The following STPG2 variants were observed in gnomAD, a reference collection of about 807,000 sequenced individuals.
STPG2 encodes sperm-tail PG-rich repeat-containing protein 2.
Under a neutral mutation model 54.2 loss-of-function variants are expected in STPG2, and 56 were observed. The observed-to-expected ratio is 1.03, with a 90% CI of 0.83 to 1.29. The LOEUF is 1.29. Ranked by LOEUF, STPG2 falls within the 50% of genes most tolerant of loss-of-function variation. The probability of loss-of-function intolerance (pLI) is 0.00; values close to 1 mark genes in which losing one functional copy is unlikely to be tolerated. For missense variants in STPG2, 596 were observed against 544.9 expected, an observed-to-expected ratio of 1.09 and a Z score of -0.93; for synonymous variants, 200 against 181.8, an observed-to-expected ratio of 1.10 and a Z score of -0.81.
intron 10 of STPG2, among the ~76,000 whole-genome samples, chr4:97,588,810 G>A (rs1733063811): frequency 1.3e-5 from 2 of 152,076 alleles, no homozygotes; most frequent in East Asian, 3.9e-4. Context: ...CAAAAATACT[G>A]GGAACAATTA....
chr4:97,859,056 T>C (rs191452395), intron 8 of STPG2, among the ~76,000 whole-genome samples: 34 of 152,236 alleles, frequency 2.2e-4, no homozygotes, highest in Admixed American at 1.7e-3. Flanking sequence ...CATGCTAACA[T>C]CTACTTTTAA....
intron 10 of STPG2, among the ~76,000 whole-genome samples, chr4:97,618,972 A>G (rs2148922110): frequency 6.6e-6 from 1 of 152,184 alleles, no homozygotes; most frequent in East Asian, 1.9e-4. Context: ...TAAGTAACTT[A>G]CAAACATCAG....
At chr4:97,944,833 C>T (rs1466094855) in intron 7 of STPG2, among the ~76,000 whole-genome samples, 2 of 152,084 alleles carry the variant, frequency 1.3e-5, no homozygotes, top group African/African-American at 4.8e-5. Flanking sequence ...TCTGCCTCTA[C>T]CCAAAATGCT....
chr4:98,063,990 C>T (rs1202861469), intron 5 of STPG2, among the ~76,000 whole-genome samples: 1 of 151,848 alleles, frequency 6.6e-6, no homozygotes, highest in South Asian at 2.1e-4. Context: ...CGAATAAACA[C>T]AATTTTAGGA....
intron 4 of STPG2, among the ~76,000 whole-genome samples, chr4:97,470,770 G>A (rs779526042): frequency 9.2e-5 from 14 of 151,962 alleles, no homozygotes; most frequent in Non-Finnish European, 1.9e-4. Context: ...AATGCAATGA[G>A]ATGAGATGAG....
At chr4:97,742,120 A>T (rs2149037829) in intron 9 of STPG2, among the ~76,000 whole-genome samples, 1 of 152,180 alleles carries the variant, frequency 6.6e-6, no homozygotes, top group South Asian at 2.1e-4. Context: ...AAGAAAAAAA[A>T]ACCAAACACC....
chr4:97,566,459 G>C (rs888753129), intron 10 of STPG2, among the ~76,000 whole-genome samples: 2 of 152,132 alleles, frequency 1.3e-5, no homozygotes, highest in African/African-American at 4.8e-5. Flanking sequence ...TGCGCCCACT[G>C]TCTGGCACTC....
chr4:97,444,415 G>T (rs2148792772), intron 4 of STPG2, among the ~76,000 whole-genome samples: 1 of 152,186 alleles, frequency 6.6e-6, no homozygotes, highest in African/African-American at 2.4e-5. Flanking sequence ...ATAAATAAAA[G>T]ACATTACCTT....
intron 9 of STPG2, among the ~76,000 whole-genome samples, chr4:97,730,624 T>C (rs56153433): frequency 0.029 from 4,444 of 152,262 alleles, 219 homozygotes; most frequent in African/African-American, 0.1. Flanking sequence ...GTTTTCCAAA[T>C]TGCTTACCCT....
chr4:98,023,037 C>T (rs1041176751), intron 5 of STPG2, among the ~76,000 whole-genome samples: 2 of 152,206 alleles, frequency 1.3e-5, no homozygotes, highest in African/African-American at 4.8e-5. Context: ...ACTCTCCATC[C>T]AGCTTTGTTC....
At chr4:97,573,613 A>G (rs970633504) in intron 10 of STPG2, among the ~76,000 whole-genome samples, 1 of 152,058 alleles carries the variant, frequency 6.6e-6, no homozygotes, top group African/African-American at 2.4e-5. Context: ...AATTGTCTGC[A>G]CTCTTCTATG....
At chr4:97,864,469 T>C (rs1159087105) in intron 8 of STPG2, among the ~76,000 whole-genome samples, 1 of 152,210 alleles carries the variant, frequency 6.6e-6, no homozygotes, top group Non-Finnish European at 1.5e-5. Flanking sequence ...GAACATTACA[T>C]GCTCATGGAT....
chr4:97,786,177 AT>A (rs1029020739), intron 9 of STPG2, among the ~76,000 whole-genome samples: 73 of 148,054 alleles, frequency 4.9e-4, no homozygotes, highest in African/African-American at 1.8e-3. Flanking sequence ...TTTCCCTGCC[AT>A]AGACATGAGT....
At chr4:97,968,149 T>C (rs554550476) in intron 7 of STPG2, among the ~76,000 whole-genome samples, 22 of 152,206 alleles carry the variant, frequency 1.4e-4, no homozygotes, top group Admixed American at 1.0e-3. Context: ...AAGACTCAAA[T>C]AGATGCAATA....
rs559897516 is a variant in STPG2, at chr4:97,542,504, A to C, written c.462+170195T>G. ...GGAGAGGATGTGGAGAAATAGGAAC[A>C]CTTTTACACTGTTGGTGGGACTGTA... On this transcript the variant is annotated intron_variant, in intron 4 of 4. Transcript: ENST00000522676. 7.4e-3 allele frequency among the ~76,000 whole-genome samples: 1,125 copies of C among 152,282 alleles called. 11 individuals are homozygous for C. The highest frequency in any genetic ancestry group is 0.011 in the Non-Finnish European group (731 of 68,020).
At chr4:97,580,317 A>C (rs1309099331) in intron 10 of STPG2, among the ~76,000 whole-genome samples, 1 of 151,958 alleles carries the variant, frequency 6.6e-6, no homozygotes, top group Non-Finnish European at 1.5e-5. Flanking sequence ...AGTTATAATG[A>C]TTATATGATA....
intron 9 of STPG2, among the ~76,000 whole-genome samples, chr4:97,749,873 G>C (rs1578532582): frequency 6.6e-6 from 1 of 151,778 alleles, no homozygotes; most frequent in Non-Finnish European, 1.5e-5. Flanking sequence ...GGAATGTGAA[G>C]TCACGTTCAG....
At chr4:97,483,081 G>A (rs1730265654) in intron 4 of STPG2, among the ~76,000 whole-genome samples, 5 of 151,562 alleles carry the variant, frequency 3.3e-5, no homozygotes, top group Admixed American at 3.3e-4. Context: ...AACAAATTCT[G>A]GAAACACATC....
chr4:97,550,862 G>A (rs141414990), intron 4 of STPG2, among the ~76,000 whole-genome samples: 10 of 151,962 alleles, frequency 6.6e-5, no homozygotes, highest in Admixed American at 1.3e-4. Flanking sequence ...TTTTCCTCCC[G>A]GTGGGTTTGT....
Sources: gnomAD v4.1 joint callset for allele counts (sites outside exome capture counted in the v4.1 genomes callset) on GRCh38, gnomAD v4.1.1 for gene constraint, MANE v1.5 for transcripts, NCBI Gene and HGNC (gene_info 2026-07-23, HGNC 2026-07-21) for gene names.